The following POT1 variants were observed in gnomAD, a reference collection of about 807,000 sequenced individuals.
POT1 encodes the protein protection of telomeres protein 1.
A neutral mutation model predicts 78.5 loss-of-function variants in POT1; 47 were observed. The observed-to-expected ratio is 0.60, with a 90% CI of 0.47 to 0.76. POT1 has a LOEUF of 0.76. Among genes scored for constraint, POT1 ranks in the 30% least tolerant of loss-of-function variants. The pLI, the probability that POT1 is intolerant of heterozygous loss-of-function variation, is 0.00. For synonymous variants in POT1, 259 were observed against 260.7 expected (o/e 0.99, Z 0.06); for missense variants, 646 against 749.9 (o/e 0.86, Z 1.62).
At chr7:124,852,093 T>C in intron 10 of POT1, 142 bp from the exon 11 acceptor site, 1 of 575,806 alleles carries the variant, frequency 1.7e-6, no homozygotes. Context: ...AAGGATCTAT[T>C]GCTTTCATCA....
chr7:124,916,432 C>T (rs1212917642), intron 2 of POT1, among the ~76,000 whole-genome samples: 1 of 152,094 alleles, frequency 6.6e-6, no homozygotes, highest in African/African-American at 2.4e-5. Context: ...AAAAGTTAAT[C>T]TGTAAATCTC....
chr7:124,861,144 A>G (rs1244760748), intron 8 of POT1, among the ~76,000 whole-genome samples: 2 of 152,180 alleles, frequency 1.3e-5, no homozygotes, highest in African/African-American at 4.8e-5. Flanking sequence ...GCAGTGTTAA[A>G]CAGTATTTCT....
rs770890978 is a variant in POT1, at chr7:124,859,115, G to A, written c.547-3C>T. The A allele has an allele frequency of 1.3e-6, 2 of 1,565,254 alleles. No individual in the cohort carries two copies. The highest frequency in any genetic ancestry group is 1.7e-6 in the Non-Finnish European group (2 of 1,154,526). ...GGTGTCCTGGTGCCATCCCATACCT[G>A]CCATAAGAGAGTAGAGTAGTTTTAT... On this transcript the variant is annotated splice_region_variant and splice_polypyrimidine_tract_variant and intron_variant, in intron 8 of 18. Coordinates refer to ENST00000357628, the MANE Select transcript of POT1 (RefSeq NM_015450.3).
chr7:124,859,460 T>C (rs4552839), intron 8 of POT1, among the ~76,000 whole-genome samples: 94,790 of 151,868 alleles, frequency 0.62, 29,996 homozygotes, highest in African/African-American at 0.72. Context: ...AGTAAAATTA[T>C]GAATGCTCTA....
chr7:124,850,494 G>A (rs1562986304), intron 11 of POT1, among the ~76,000 whole-genome samples: 3 of 152,172 alleles, frequency 2.0e-5, no homozygotes, highest in Non-Finnish European at 4.4e-5. Context: ...TTGGGAGCCC[G>A]AGGCGGGCGG....
intron 6 of POT1, among the ~76,000 whole-genome samples, chr7:124,891,284 C>T (rs10224946): frequency 0.6 from 91,064 of 151,484 alleles, 27,498 homozygotes; most frequent in African/African-American, 0.65. Context: ...CCTGTTGTGA[C>T]AGTTTTTGAC....
At chr7:124,842,599 T>G (rs879705698) in intron 13 of POT1, among the ~76,000 whole-genome samples, 3 of 152,048 alleles carry the variant, frequency 2.0e-5, no homozygotes, top group Non-Finnish European at 1.5e-5. Flanking sequence ...AGCTGAATTT[T>G]AGATCTGAAA....
At chr7:124,857,630 G>A (rs1480572888) in intron 9 of POT1, among the ~76,000 whole-genome samples, 2 of 152,166 alleles carry the variant, frequency 1.3e-5, no homozygotes, top group African/African-American at 4.8e-5. Flanking sequence ...TAACCTGGGA[G>A]AAGAATCTGG....
At chr7:124,922,056 T>C (rs1264744192) in intron 2 of POT1, among the ~76,000 whole-genome samples, 2 of 151,210 alleles carry the variant, frequency 1.3e-5, no homozygotes, top group African/African-American at 2.4e-5. Context: ...AAAATGCAAA[T>C]CACATACGAA....
intron 10 of POT1, 53 bp downstream of exon 10, chr7:124,852,919 G>T: frequency 6.7e-7 from 1 of 1,502,984 alleles, no homozygotes; most frequent in African/African-American, 1.4e-5. Flanking sequence ...TATTATCTTA[G>T]AAATCGGCTT....
In POT1 at chr7:124,822,565, A is replaced by T. The variant is rs1794531003; in HGVS notation, c.*1397T>A. Reference sequence around the variant, plus strand: ...ATTGAGGGCTTCCTGAAGGCAGAAAAAATGTTTATTTCACCTTTGTATCCT... The same window carrying T: ...ATTGAGGGCTTCCTGAAGGCAGAAATAATGTTTATTTCACCTTTGTATCCT... On this transcript the variant is annotated 3_prime_UTR_variant, in exon 19 of 19. Coordinates refer to ENST00000357628, the MANE Select transcript of POT1 (RefSeq NM_015450.3). 1 of 455,696 alleles carries T rather than the reference A, an allele frequency of 2.2e-6. No individual in the cohort carries two copies. Among genetic ancestry groups the T allele is most frequent in the African/African-American group, 2.0e-5 (1 of 50,062 alleles). The allele number at this position is 455,696 out of a possible 1,614,324, so 28.2% of individuals were successfully genotyped here.
At chr7:124,914,653 T>C in intron 3 of POT1, among the ~76,000 whole-genome samples, 1 of 152,116 alleles carries the variant, frequency 6.6e-6, no homozygotes, top group East Asian at 1.9e-4. Flanking sequence ...TAAATAATAA[T>C]ACAAATTTAA....
rs576476148 is a variant in POT1 at position 124,916,218 on chromosome 7, C to T, written c.-226-572G>A. On this transcript the variant is annotated intron_variant, in intron 2 of 18. Transcript: ENST00000357628. Reference sequence around the variant, plus strand: ...ATTTAAAAATAGATCCTATTAGCCTCCCAGGCTAATATTCCAGACTTTGAT... The same window carrying T: ...ATTTAAAAATAGATCCTATTAGCCTTCCAGGCTAATATTCCAGACTTTGAT... 9.2e-5 allele frequency among the ~76,000 whole-genome samples: 14 copies of T among 152,064 alleles called. No individual in the cohort carries two copies. The South Asian group carries it at 2.7e-3, about 29-fold the overall frequency.
At chr7:124,837,711 T>C (rs1278919976) in intron 14 of POT1, among the ~76,000 whole-genome samples, 1 of 152,088 alleles carries the variant, frequency 6.6e-6, no homozygotes, top group Admixed American at 6.5e-5. Context: ...CTAACTCTTA[T>C]GAGGCCAGCA....
At position 124,847,005 on chromosome 7, in the gene POT1, A is replaced by G. The variant is rs201230597; in HGVS notation, c.950-7T>C. On this transcript the variant is annotated splice_polypyrimidine_tract_variant and splice_region_variant and intron_variant, in intron 11 of 18. Coordinates refer to ENST00000357628, the MANE Select transcript of POT1 (RefSeq NM_015450.3). ...AATGATACTGATCCAGAGCCTATAA[A>G]AAGGAAAAGGCAAAAAAATTAAGTC... 6.3e-7 allele frequency: 1 copy of G among 1,595,778 alleles called. No individual in the cohort carries two copies. The highest frequency in any genetic ancestry group is 1.1e-5 in the South Asian group (1 of 90,178).
intron 14 of POT1, among the ~76,000 whole-genome samples, chr7:124,837,451 C>T (rs529373770): frequency 9.9e-4 from 151 of 152,068 alleles, no homozygotes; most frequent in African/African-American, 3.4e-3. Flanking sequence ...ATAAACAATT[C>T]GAACCCACAA....
intron 7 of POT1, among the ~76,000 whole-genome samples, chr7:124,869,812 C>T (rs1304102982): frequency 1.3e-5 from 2 of 152,144 alleles, no homozygotes; most frequent in Non-Finnish European, 2.9e-5. Flanking sequence ...AACTCCTGAC[C>T]TCAGGTGATC....
At chr7:124,827,458 G>A (rs888717796) in intron 16 of POT1, among the ~76,000 whole-genome samples, 153 bp from the exon 17 acceptor site, 1 of 152,182 alleles carries the variant, frequency 6.6e-6, no homozygotes, top group Non-Finnish European at 1.5e-5. Context: ...TCTCCAGGTA[G>A]ATAGTGTCAG....
chr7:124,824,930 TGCCAACAATTCA>T (rs1794593800), intron 18 of POT1, among the ~76,000 whole-genome samples: 1 of 152,198 alleles, frequency 6.6e-6, no homozygotes, highest in South Asian at 2.1e-4. Flanking sequence ...AAATGTTTAC[TGCCAACAATTCA>T]TCACTTTTGG....
Sources: gnomAD v4.1 joint callset for allele counts (sites outside exome capture counted in the v4.1 genomes callset) on GRCh38, gnomAD v4.1.1 for gene constraint, MANE v1.5 for transcripts, NCBI Gene and HGNC (gene_info 2026-07-23, HGNC 2026-07-21) for gene names.